Variants in PPP6R3 observed in about 807,000 individuals in gnomAD.
PPP6R3 encodes the protein serine/threonine-protein phosphatase 6 regulatory subunit 3.
Under a neutral mutation model 110.7 loss-of-function variants are expected in PPP6R3, and 38 were observed. The ratio of observed to expected loss-of-function variants is 0.34; its 90% CI spans 0.26 to 0.45. PPP6R3 has a LOEUF of 0.45. Among genes scored for constraint, PPP6R3 ranks in the 20% least tolerant of loss-of-function variants. PPP6R3 has a pLI of 1.00. For missense variants in PPP6R3, 870 were observed against 1,062.4 expected (o/e 0.82, Z 2.52); for synonymous variants, 369 against 373.5 (o/e 0.99, Z 0.14).
chr11:68,491,674 G>A (rs747423490), intron 1 of PPP6R3, among the ~76,000 whole-genome samples: 12 of 151,908 alleles, frequency 7.9e-5, no homozygotes, highest in Non-Finnish European at 1.5e-4. Context: ...GGAGTGTACC[G>A]TTCAGTGGCA....
Position 68,519,418 on chromosome 11 carries a change from C to G in PPP6R3, c.-157-83C>G, listed in dbSNP as rs1414005761. 1.0e-5 allele frequency: 4 copies of G among 391,028 alleles called. No individual in the cohort carries two copies. In the East Asian group the frequency reaches 1.4e-4, roughly 14 times the overall value. 24.2% of individuals were successfully genotyped at this position (391,028 alleles called of 1,614,324 possible). The stretch of plus-strand genomic sequence containing the variant: ...GTATAGTTCTGTGTGGCCCAAGACC[C>G]TGACCCAGTATGCTTTAATGGCAGC... On this transcript the variant is annotated intron_variant, in intron 1 of 23. Transcript: ENST00000393800.
chr11:68,535,109 T>C (rs1201810345), intron 2 of PPP6R3, among the ~76,000 whole-genome samples: 1 of 152,216 alleles, frequency 6.6e-6, no homozygotes, highest in East Asian at 1.9e-4. Flanking sequence ...TCCTGTTACT[T>C]GTATTTCATC....
chr11:68,523,204 A>G (rs1047299567), intron 2 of PPP6R3, among the ~76,000 whole-genome samples: 4 of 152,206 alleles, frequency 2.6e-5, no homozygotes, highest in African/African-American at 9.6e-5. Flanking sequence ...GTGGTCAGAT[A>G]CATCTGGCAG....
At chr11:68,494,408 C>CAAAAAAAAAA (rs35190764) in intron 1 of PPP6R3, among the ~76,000 whole-genome samples, 1 of 60,384 alleles carries the variant, frequency 1.7e-5, no homozygotes, top group Non-Finnish European at 3.0e-5. Flanking sequence ...CCTGTAATCT[C>CAAAAAAAAAA]AAAAAAAAAA....
chr11:68,463,106 G>C (rs1208778114), intron 1 of PPP6R3, among the ~76,000 whole-genome samples: 1 of 152,156 alleles, frequency 6.6e-6, no homozygotes, highest in Non-Finnish European at 1.5e-5. Context: ...GGGCGCAGTG[G>C]CTCACGCCTG....
chr11:68,471,241 G>A (rs1227279789), intron 1 of PPP6R3, among the ~76,000 whole-genome samples: 2 of 147,004 alleles, frequency 1.4e-5, no homozygotes, highest in Non-Finnish European at 1.5e-5. Context: ...CTGAGATCGC[G>A]CCCTGCACTC....
intron 1 of PPP6R3, among the ~76,000 whole-genome samples, chr11:68,506,368 G>T (rs537648722): frequency 7.9e-6 from 1 of 126,836 alleles, no homozygotes; most frequent in Non-Finnish European, 1.6e-5. Flanking sequence ...AGTCCCCAAG[G>T]TGTTGGGATT....
At chr11:68,506,544 T>C (rs1373522183) in intron 1 of PPP6R3, among the ~76,000 whole-genome samples, 1 of 151,648 alleles carries the variant, frequency 6.6e-6, no homozygotes, top group African/African-American at 2.4e-5. Context: ...TAAATCAAGT[T>C]AATTAACATT....
rs969946801 is a variant in PPP6R3 at position 68,613,888 on chromosome 11, G to T, written c.*771G>T. The T allele has an allele frequency of 5.0e-5, 48 of 958,886 alleles. No individual in the cohort carries two copies. The highest frequency in any genetic ancestry group is 5.7e-5 in the African/African-American group (3 of 52,694). The allele number at this position is 958,886 out of a possible 1,614,324, so 59.4% of individuals were successfully genotyped here. A position where few individuals can be genotyped will look rare whatever the true frequency, so the allele number is the denominator to read the frequency against. On this transcript the variant is annotated 3_prime_UTR_variant, in exon 24 of 24. Transcript: ENST00000393800. ...AGACTATTTGGAGTGTATATGGCTT[G>T]TGTTTTGGGATTTTTTTTTTTTTTT...
intron 8 of PPP6R3, among the ~76,000 whole-genome samples, chr11:68,559,395 G>A (rs2099410692): frequency 1.3e-5 from 2 of 152,234 alleles, no homozygotes; most frequent in South Asian, 2.1e-4. Context: ...GAAGAGGTAT[G>A]TATAAGTTTT....
chr11:68,480,279 T>G (rs1285884732), intron 1 of PPP6R3, among the ~76,000 whole-genome samples: 2 of 152,252 alleles, frequency 1.3e-5, no homozygotes, highest in Admixed American at 1.3e-4. Context: ...TTTGCTGTTT[T>G]TGATTTTGTG....
intron 1 of PPP6R3, among the ~76,000 whole-genome samples, chr11:68,494,739 C>T (rs1298519951): frequency 6.6e-6 from 1 of 152,098 alleles, no homozygotes; most frequent in Non-Finnish European, 1.5e-5. Flanking sequence ...TTTACTCCCC[C>T]TTTTGAAAGG....
At chr11:68,478,109 C>G (rs1335840129) in intron 1 of PPP6R3, among the ~76,000 whole-genome samples, 1 of 152,102 alleles carries the variant, frequency 6.6e-6, no homozygotes, top group East Asian at 1.9e-4. Context: ...GCCACCATGC[C>G]TGGCTAATTT....
At chr11:68,503,489 A>G (rs776801147) in intron 1 of PPP6R3, among the ~76,000 whole-genome samples, 7 of 152,248 alleles carry the variant, frequency 4.6e-5, no homozygotes, top group Non-Finnish European at 1.0e-4. Context: ...CAGCCCTCCA[A>G]CTAGGGAGAC....
chr11:68,605,391 TCCAC>T (rs2153956454), intron 22 of PPP6R3, among the ~76,000 whole-genome samples: 1 of 152,298 alleles, frequency 6.6e-6, no homozygotes, highest in South Asian at 2.1e-4. Flanking sequence ...AGAGACCCCC[TCCAC>T]TACATGAACT....
At chr11:68,594,044 G>A (rs564053626) in intron 18 of PPP6R3, among the ~76,000 whole-genome samples, 2 of 152,096 alleles carry the variant, frequency 1.3e-5, no homozygotes, top group Admixed American at 6.5e-5. Flanking sequence ...AAAGAAACAA[G>A]TATATATGAA....
chr11:68,469,704 T>C (rs2098776407), intron 1 of PPP6R3, among the ~76,000 whole-genome samples: 1 of 152,118 alleles, frequency 6.6e-6, no homozygotes, highest in South Asian at 2.1e-4. Flanking sequence ...TATTTTAACT[T>C]GTAATTGGAC....
intron 15 of PPP6R3, among the ~76,000 whole-genome samples, chr11:68,585,610 T>C (rs1478646821): frequency 2.0e-5 from 3 of 152,216 alleles, no homozygotes; most frequent in Non-Finnish European, 4.4e-5. Context: ...TTCACTTACA[T>C]ATATTTGTAA....
intron 2 of PPP6R3, among the ~76,000 whole-genome samples, chr11:68,536,913 C>A (rs1168335462): frequency 2.0e-5 from 3 of 152,312 alleles, no homozygotes; most frequent in Non-Finnish European, 4.4e-5. Flanking sequence ...ATCATCCCAT[C>A]ATGAATGGCA....
Sources: allele counts gnomAD v4.1 joint callset (sites outside exome capture counted in the v4.1 genomes callset), GRCh38; gene constraint gnomAD v4.1.1; transcripts MANE v1.5; gene names NCBI Gene and HGNC (gene_info 2026-07-23, HGNC 2026-07-21).